NECAB2: variants seen among roughly 807,000 people sequenced by gnomAD.
NECAB2 encodes the protein N-terminal EF-hand calcium binding protein 2, also known as N-terminal EF-hand calcium-binding protein 2.
In NECAB2, 68 loss-of-function variants were observed where a neutral mutation model predicts 51.9. The ratio of observed to expected loss-of-function variants is 1.31; its 90% CI spans 1.08 to 1.60. The LOEUF is 1.60. Among genes scored for constraint, NECAB2 ranks in the 40% most tolerant of loss-of-function variants. The pLI is 0.00. For synonymous variants in NECAB2, 329 were observed against 203.5 expected (o/e 1.62, Z -5.25); for missense variants, 854 against 490.3 (o/e 1.74, Z -7.00).
chr16:83,997,799 C>T (rs111235646), intron 9 of NECAB2, among the ~76,000 whole-genome samples: 2,158 of 152,202 alleles, frequency 0.014, 25 homozygotes, highest in South Asian at 0.035. Context: ...GGCCCAGAGG[C>T]TCCTGGACTT....
chr16:83,991,709 C>T (rs60713262), intron 6 of NECAB2, among the ~76,000 whole-genome samples: 1,844 of 152,038 alleles, frequency 0.012, 44 homozygotes, highest in African/African-American at 0.042. Flanking sequence ...AGTACAGTGG[C>T]ACCATTGTGG....
intron 5 of NECAB2, among the ~76,000 whole-genome samples, chr16:83,982,074 G>A (rs2084495798): frequency 6.6e-6 from 1 of 152,212 alleles, no homozygotes; most frequent in Non-Finnish European, 1.5e-5. Flanking sequence ...ATTGAGCCAA[G>A]TAAGGCCTCT....
rs149553967 is a variant in NECAB2, at chr16:84,000,165, G to A, written c.963-559G>A. Among the ~76,000 whole-genome samples, 514 of 152,132 alleles carry A rather than the reference G, an allele frequency of 3.4e-3. 1 individual carries two copies. The highest frequency in any genetic ancestry group is 5.3e-3 in the Admixed American group (81 of 15,282). The stretch of plus-strand genomic sequence containing the variant: ...CCTCGACCCCTCAAGACTTCCCAAA[G>A]TTCTGCGATTACAGGCGTGAACCAT... On this transcript the variant is annotated intron_variant, in intron 10 of 12. Coordinates refer to ENST00000305202, the MANE Select transcript of NECAB2 (RefSeq NM_019065.3).
chr16:83,998,650 C>T (rs534588737), intron 10 of NECAB2, among the ~76,000 whole-genome samples: 5 of 152,184 alleles, frequency 3.3e-5, no homozygotes, highest in African/African-American at 4.8e-5. Flanking sequence ...TGGTGTGCCC[C>T]GTGCGCTCAG....
At chr16:83,995,076 G>T (rs911827519) in intron 8 of NECAB2, among the ~76,000 whole-genome samples, 2 of 152,218 alleles carry the variant, frequency 1.3e-5, no homozygotes, top group South Asian at 4.1e-4. Context: ...AAAGAGAGAC[G>T]TGATGATTCG....
chr16:83,982,850 T>C (rs1188143996), intron 5 of NECAB2, among the ~76,000 whole-genome samples: 1 of 151,954 alleles, frequency 6.6e-6, no homozygotes, highest in Non-Finnish European at 1.5e-5. Flanking sequence ...CATTTCCTTT[T>C]TTTTTGTTTT....
intron 11 of NECAB2, among the ~76,000 whole-genome samples, chr16:84,001,037 G>A (rs2084821776): frequency 6.6e-6 from 1 of 152,124 alleles, no homozygotes; most frequent in South Asian, 2.1e-4. Flanking sequence ...CCCCAGGGTT[G>A]CTTCTGTGCC....
At chr16:84,001,380 C>CT (rs1252745600) in intron 11 of NECAB2, among the ~76,000 whole-genome samples, 1 of 152,146 alleles carries the variant, frequency 6.6e-6, no homozygotes, top group African/African-American at 2.4e-5. Flanking sequence ...CTGGTAAACA[C>CT]TCACGGTTTG....
chr16:84,001,162 T>C (rs1348828832), intron 11 of NECAB2, among the ~76,000 whole-genome samples: 2 of 152,098 alleles, frequency 1.3e-5, no homozygotes, highest in African/African-American at 4.8e-5. Flanking sequence ...ATGTGATCAA[T>C]TGTTCCAGCG....
In NECAB2 at chr16:83,990,495, T is replaced by G. The variant is rs1420732095; in HGVS notation, c.461T>G (p.Val154Gly). The change falls in exon 6 of 13, where the codon GTA becomes GGA. Residue 154 changes from valine to glycine, a missense_variant and splice_region_variant. By Grantham distance (109) the Val-to-Gly change is moderately radical. Transcript: ENST00000305202. The part of the protein sequence containing the change: ...VLKAMGYTKK[V>G]YEGGSNVDQF... ...GTGCCTCTTCTCTTCCTTCCACAGGTATATGAGGGTGGGAGCAACGTGGAC... is the reference window on the plus strand; with the variant it reads ...GTGCCTCTTCTCTTCCTTCCACAGGGATATGAGGGTGGGAGCAACGTGGAC... The G allele has an allele frequency of 1.9e-6, 3 of 1,613,146 alleles. No homozygotes were observed. Among genetic ancestry groups the G allele is most frequent in the Non-Finnish European group, 2.5e-6 (3 of 1,179,616 alleles).
chr16:83,981,056 T>G lies in NECAB2; in HGVS notation c.388T>G (p.Tyr130Asp), dbSNP rs555401969. The G allele has an allele frequency of 6.2e-7, 1 of 1,614,018 alleles. No homozygotes were observed. Among genetic ancestry groups the G allele is most frequent in the African/African-American group, 1.3e-5 (1 of 74,902 alleles). Residue 130 changes from tyrosine (Y) to aspartate (D), a missense_variant, in exon 5 of 13, where the codon TAT (tyrosine) becomes GAT (aspartate). Transcript: ENST00000305202. ...TTACTTTGTGGACCACATGGGTGACTATGAGGATGTCCTGGCCTCCCTGGA... is the reference window on the plus strand; with the variant it reads ...TTACTTTGTGGACCACATGGGTGACGATGAGGATGTCCTGGCCTCCCTGGA... ...CDYFVDHMGD[Y>D]EDVLASLETL...
At chr16:83,994,231 G>A in intron 6 of NECAB2, 71 bp from the exon 7 acceptor site, 1 of 1,358,042 alleles carries the variant, frequency 7.4e-7, no homozygotes, top group Non-Finnish European at 1.1e-6. Context: ...AATGCCTGTG[G>A]AAGATGCTGG....
At chr16:83,966,395 T>TG (rs1186741218), upstream of NECAB2, 19 of 228,570 alleles carry the variant, frequency 8.3e-5, no homozygotes, top group East Asian at 1.2e-3. Flanking sequence ...TGCACTGGGC[T>TG]GGGGGGAAGG....
At position 83,987,913 on chromosome 16, in the gene NECAB2, C is replaced by G; in HGVS notation, c.460-2581C>G. Reference sequence around the variant, plus strand: ...GCATCGAAGTCCCCATAGCTATATTCTGTGTCAGTACATGAAGATTTAATA... The same window carrying G: ...GCATCGAAGTCCCCATAGCTATATTGTGTGTCAGTACATGAAGATTTAATA... On this transcript the variant is annotated intron_variant, in intron 5 of 12. Coordinates refer to ENST00000305202, the MANE Select transcript of NECAB2 (RefSeq NM_019065.3). Among the ~76,000 whole-genome samples the G allele has an allele frequency of 1.3e-5, 2 of 152,312 alleles. 1 individual carries two copies. Among genetic ancestry groups the G allele is most frequent in the Middle Eastern group, 6.8e-3 (2 of 294 alleles).
At chr16:84,002,225 C>A (rs969015533) in intron 12 of NECAB2, 93 bp from the exon 13 acceptor site, 1 of 1,481,770 alleles carries the variant, frequency 6.7e-7, no homozygotes, top group Non-Finnish European at 9.4e-7. Context: ...GACTCAAAGC[C>A]ATCCCCCGAC....
At chr16:83,975,685 CAG>C (rs992692661) in intron 2 of NECAB2, among the ~76,000 whole-genome samples, 22 of 152,202 alleles carry the variant, frequency 1.4e-4, no homozygotes, top group African/African-American at 4.8e-4. Flanking sequence ...GACATAAACT[CAG>C]GGGGTGGCAG....
At chr16:83,998,143 T>TG in intron 9 of NECAB2, 62 bp from the exon 10 acceptor site, 1 of 1,469,550 alleles carries the variant, frequency 6.8e-7, no homozygotes, top group Admixed American at 1.8e-5. Flanking sequence ...GGGGGCCTGA[T>TG]GGGGTGTTTA....
At position 84,000,742 on chromosome 16, in the gene NECAB2, C is replaced by T; in HGVS notation, c.981C>T (p.Leu327=). The change falls in exon 11 of 13, where the codon CTC becomes CTT. Residue 327 remains leucine, a synonymous_variant. Transcript: ENST00000305202. ...GTTGCAGCATCACTGCCGTGAGGCT[C>T]TCAGATGGCTTCACCTTTGTCATCT... ...RNCFHITAVR[L]SDGFTFVIYE... The T allele has an allele frequency of 6.2e-7, 1 of 1,613,896 alleles. No individual in the cohort carries two copies. Among genetic ancestry groups the T allele is most frequent in the South Asian group, 1.1e-5 (1 of 91,078 alleles).
At chr16:84,002,173 T>A (rs911326887) in intron 12 of NECAB2, 145 bp from the exon 13 acceptor site, 6 of 1,124,342 alleles carry the variant, frequency 5.3e-6, no homozygotes, top group Non-Finnish European at 8.0e-6. Flanking sequence ...AGGTGTGTGG[T>A]TTGCACCTGG....
Sources: allele counts gnomAD v4.1 joint callset (sites outside exome capture counted in the v4.1 genomes callset), GRCh38; gene constraint gnomAD v4.1.1; transcripts MANE v1.5; gene names NCBI Gene and HGNC (gene_info 2026-07-23, HGNC 2026-07-21).